SCHIP1: variants seen among roughly 807,000 people sequenced by gnomAD.
The protein encoded by SCHIP1 is schwannomin interacting protein 1.
SCHIP1 carries 8 observed loss-of-function variants against 29.7 expected under a neutral mutation model. The observed-to-expected ratio is 0.27, with a 90% CI of 0.16 to 0.49. The LOEUF is 0.49. Ranked by LOEUF, SCHIP1 falls within the 20% of genes least tolerant of loss-of-function variation. The pLI, the probability that SCHIP1 is intolerant of heterozygous loss-of-function variation, is 0.99. For synonymous variants in SCHIP1, 76 were observed against 94.9 expected (o/e 0.80, Z 1.16); for missense variants, 193 against 294.6 (o/e 0.66, Z 2.52).
At chr3:159,408,471 A>G in the SCHIP1 span, among the ~76,000 whole-genome samples, 1 of 152,054 alleles carries the variant, frequency 6.6e-6, no homozygotes, top group African/African-American at 2.4e-5. Context: ...TTTTAAAATC[A>G]GTGATGAAAA....
chr3:159,765,132 C>A, the SCHIP1 span: 1 of 1,561,578 alleles, frequency 6.4e-7, no homozygotes, highest in East Asian at 2.4e-5. Context: ...GGACCAACTC[C>A]ACCTCCGTAA....
the SCHIP1 span, chr3:159,401,433 GTT>G: frequency 1.0e-5 from 9 of 872,608 alleles, no homozygotes; most frequent in Admixed American, 5.6e-4. Context: ...ATAGCTACCA[GTT>G]TTTTACCCTC....
chr3:159,704,896 CTTT>C, the SCHIP1 span, among the ~76,000 whole-genome samples: 1 of 74,164 alleles, frequency 1.3e-5, no homozygotes, highest in Admixed American at 1.5e-4. Context: ...TTCTTTCTTT[CTTT>C]CTTTCTTTAT....
At chr3:159,577,252 G>A in the SCHIP1 span, among the ~76,000 whole-genome samples, 1 of 152,136 alleles carries the variant, frequency 6.6e-6, no homozygotes, top group Non-Finnish European at 1.5e-5. Flanking sequence ...AAATAACAAA[G>A]CAAAACAAGA....
the SCHIP1 span, among the ~76,000 whole-genome samples, chr3:159,442,959 A>G: frequency 6.6e-6 from 1 of 152,212 alleles, no homozygotes; most frequent in African/African-American, 2.4e-5. Flanking sequence ...AGAAAATAAC[A>G]CACACTCCAG....
chr3:159,546,004 T>C, the SCHIP1 span, among the ~76,000 whole-genome samples: 3 of 152,004 alleles, frequency 2.0e-5, no homozygotes, highest in South Asian at 2.1e-4. Flanking sequence ...TATTTATAGG[T>C]ATTTATTGTT....
chr3:159,698,774 G>A, the SCHIP1 span, among the ~76,000 whole-genome samples: 6 of 152,174 alleles, frequency 3.9e-5, no homozygotes, highest in East Asian at 1.2e-3. Flanking sequence ...GAGTAGCTGG[G>A]ATTACAGGCT....
the SCHIP1 span, among the ~76,000 whole-genome samples, chr3:159,733,932 G>T: frequency 6.6e-6 from 1 of 152,048 alleles, no homozygotes; most frequent in Non-Finnish European, 1.5e-5. Context: ...GGTGTCCCAA[G>T]CAAAAAGTTA....
rs556694684 is a variant in SCHIP1 at position 159,854,165 on chromosome 3, C to T, written c.31-11998C>T. Among the ~76,000 whole-genome samples the T allele has an allele frequency of 1.1e-4, 16 of 152,248 alleles. No individual in the cohort carries two copies. In the East Asian group the frequency reaches 3.1e-3, roughly 29 times the overall value. On this transcript the variant is annotated intron_variant, in intron 1 of 6. Transcript: ENST00000445224. ...CATGGCATAACATGAAGAATAAAAT[C>T]CCTTCCATCATGGGCCTGGAAATGA...
chr3:159,399,212 G>A, the SCHIP1 span, among the ~76,000 whole-genome samples: 1 of 152,008 alleles, frequency 6.6e-6, no homozygotes, highest in African/African-American at 2.4e-5. Flanking sequence ...TTCTCAATGT[G>A]GCCTTACCAA....
the SCHIP1 span, among the ~76,000 whole-genome samples, chr3:159,609,609 C>G: frequency 6.6e-6 from 1 of 152,010 alleles, no homozygotes; most frequent in Non-Finnish European, 1.5e-5. Context: ...TCAGAATGTG[C>G]CCCCTAAAGA....
At chr3:159,575,537 G>A in the SCHIP1 span, among the ~76,000 whole-genome samples, 1 of 152,108 alleles carries the variant, frequency 6.6e-6, no homozygotes, top group African/African-American at 2.4e-5. Flanking sequence ...CCAGGCTCAA[G>A]CGATCCTCCT....
chr3:159,307,897 G>T, the SCHIP1 span, among the ~76,000 whole-genome samples: 1 of 151,940 alleles, frequency 6.6e-6, no homozygotes, highest in Non-Finnish European at 1.5e-5. Flanking sequence ...GTATAGGTTT[G>T]TTTCTGAGTT....
chr3:159,462,174 A>G, the SCHIP1 span, among the ~76,000 whole-genome samples: 3 of 151,926 alleles, frequency 2.0e-5, no homozygotes, highest in African/African-American at 7.3e-5. Context: ...GCACCATCAC[A>G]CTCCAGCCTG....
At chr3:159,484,845 C>G in the SCHIP1 span, among the ~76,000 whole-genome samples, 1 of 152,090 alleles carries the variant, frequency 6.6e-6, no homozygotes, top group African/African-American at 2.4e-5. Flanking sequence ...GTGACTCTTT[C>G]GGTTCCTACA....
the SCHIP1 span, among the ~76,000 whole-genome samples, chr3:159,656,919 A>G: frequency 6.6e-6 from 1 of 152,082 alleles, no homozygotes; most frequent in Non-Finnish European, 1.5e-5. Flanking sequence ...CTGTTGTAAT[A>G]GTGTATGTCC....
At chr3:159,839,893 T>C in exon 1 of SCHIP1, 1 of 1,391,022 alleles carries the variant, frequency 7.2e-7, no homozygotes, top group Non-Finnish European at 9.3e-7. Context: ...ATTGGCTGAT[T>C]GTGCGGGTGA....
the SCHIP1 span, among the ~76,000 whole-genome samples, chr3:159,549,718 C>G: frequency 2.0e-5 from 3 of 152,076 alleles, no homozygotes; most frequent in Admixed American, 6.6e-5. Context: ...TTATGGCAGC[C>G]TGAGAAGACT....
At chr3:159,811,977 TTTG>T in the SCHIP1 span, among the ~76,000 whole-genome samples, 1,213 of 89,108 alleles carry the variant, frequency 0.014, 11 homozygotes, top group Non-Finnish European at 0.022. Context: ...TGTTTTTGTT[TTTG>T]TTTTTTTTTT....
Sources: allele counts gnomAD v4.1 joint callset (sites outside exome capture counted in the v4.1 genomes callset), GRCh38; gene constraint gnomAD v4.1.1; transcripts MANE v1.5; gene names NCBI Gene and HGNC (gene_info 2026-07-23, HGNC 2026-07-21).